Variants in ENTREP3 observed in about 807,000 individuals in gnomAD.
ENTREP3 encodes protein ENTREP3.
the ENTREP3 span, chr1:155,253,926 G>A: frequency 6.2e-7 from 1 of 1,612,842 alleles, no homozygotes; most frequent in Non-Finnish European, 8.5e-7. Context: ...CCCCGACTCT[G>A]GACAGGGCCG....
the ENTREP3 span, chr1:155,255,229 A>C: frequency 6.2e-6 from 2 of 324,524 alleles, no homozygotes; most frequent in East Asian, 6.3e-5. The surrounding 1 kb of genome is among the most constrained non-coding windows in gnomAD (Gnocchi z 5.6). Flanking sequence ...CCTGGAGCCC[A>C]GGGAGGGGTG....
the ENTREP3 span, among the ~76,000 whole-genome samples, chr1:155,252,224 GAC>G: frequency 6.7e-6 from 1 of 149,424 alleles, no homozygotes; most frequent in Non-Finnish European, 1.5e-5. Flanking sequence ...TTTTTTTTGA[GAC>G]AGAGTCTGAC....
the ENTREP3 span, chr1:155,247,836 A>C: frequency 2.7e-6 from 4 of 1,487,720 alleles, no homozygotes; most frequent in Non-Finnish European, 3.6e-6. Flanking sequence ...GGGGGCGGGT[A>C]CCACGCTCCA....
chr1:155,251,735 C>G, the ENTREP3 span: 1 of 1,612,282 alleles, frequency 6.2e-7, no homozygotes, highest in Non-Finnish European at 8.5e-7. Flanking sequence ...GGCCTTACCT[C>G]TGTGCATCTG....
At chr1:155,250,374 G>A in the ENTREP3 span, 13 of 1,543,222 alleles carry the variant, frequency 8.4e-6, no homozygotes, top group Admixed American at 1.4e-4. This position sits in a 1 kb window ranked among gnomAD's most constrained non-coding sequence, Gnocchi z 5.4. Flanking sequence ...CCCCGGTGGG[G>A]TGAGGGAACC....
chr1:155,253,238 T>G, the ENTREP3 span: 1 of 176,024 alleles, frequency 5.7e-6, no homozygotes, highest in Non-Finnish European at 1.2e-5. Context: ...AGAGACAGGG[T>G]TTCGCCATGT....
At chr1:155,250,451 C>T in the ENTREP3 span, 2 of 1,478,582 alleles carry the variant, frequency 1.4e-6, no homozygotes, top group Non-Finnish European at 1.8e-6. This position sits in a 1 kb window ranked among gnomAD's most constrained non-coding sequence, Gnocchi z 5.4. Flanking sequence ...GGCCCCCTCC[C>T]CGGGGGACCC....
At chr1:155,254,388 C>A in the ENTREP3 span, 1 of 1,613,978 alleles carries the variant, frequency 6.2e-7, no homozygotes, top group Non-Finnish European at 8.5e-7. The surrounding 1 kb of genome is among the most constrained non-coding windows in gnomAD (Gnocchi z 4.4). Flanking sequence ...GGCACTGGAC[C>A]CTGGCACCTA....
the ENTREP3 span, chr1:155,253,430 C>G: frequency 1.7e-6 from 1 of 584,726 alleles, no homozygotes; most frequent in Non-Finnish European, 3.0e-6. Context: ...ACATACTTAA[C>G]TCACTCCCTG....
At chr1:155,251,107 A>T in the ENTREP3 span, 42 of 1,612,558 alleles carry the variant, frequency 2.6e-5, no homozygotes, top group Non-Finnish European at 3.5e-5. Flanking sequence ...TCTACAATGG[A>T]GGCCACTCGT....
the ENTREP3 span, chr1:155,250,368 G>C: frequency 6.5e-7 from 1 of 1,545,550 alleles, no homozygotes; most frequent in Non-Finnish European, 8.7e-7. The surrounding 1 kb of genome is among the most constrained non-coding windows in gnomAD (Gnocchi z 5.4). Context: ...CCGGTGCCCC[G>C]GTGGGGTGAG....
At chr1:155,250,209 A>G in the ENTREP3 span, 2 of 1,404,464 alleles carry the variant, frequency 1.4e-6, no homozygotes, top group Non-Finnish European at 1.9e-6. This position sits in a 1 kb window ranked among gnomAD's most constrained non-coding sequence, Gnocchi z 5.4. Flanking sequence ...CCTGGTGGGC[A>G]TCACTGGCCA....
chr1:155,247,273 A>G, the ENTREP3 span: 3 of 390,802 alleles, frequency 7.7e-6, no homozygotes, highest in South Asian at 5.5e-5. Flanking sequence ...CTTTACAAAC[A>G]TTCTACCTTC....
the ENTREP3 span, chr1:155,247,331 G>T: frequency 6.4e-6 from 3 of 466,034 alleles, no homozygotes; most frequent in Non-Finnish European, 8.5e-6. Flanking sequence ...CTTGCCCAAG[G>T]TCATGCAGCT....
the ENTREP3 span, chr1:155,254,728 G>A: frequency 4.3e-6 from 7 of 1,613,654 alleles, no homozygotes; most frequent in East Asian, 1.3e-4. This position sits in a 1 kb window ranked among gnomAD's most constrained non-coding sequence, Gnocchi z 4.4. Context: ...CCATGCTGAA[G>A]GTGACCACCA....
At chr1:155,250,944 A>T in the ENTREP3 span, 1 of 1,251,470 alleles carries the variant, frequency 8.0e-7, no homozygotes, top group East Asian at 2.5e-5. This position sits in a 1 kb window ranked among gnomAD's most constrained non-coding sequence, Gnocchi z 5.4. Flanking sequence ...ATCTCAGAGG[A>T]GAAAAATAAG....
At chr1:155,247,789 C>G in the ENTREP3 span, 1 of 1,461,830 alleles carries the variant, frequency 6.8e-7, no homozygotes, top group Non-Finnish European at 9.0e-7. Context: ...AGGTCAGAGC[C>G]CAGTCTCCCG....
At chr1:155,255,381 G>A in the ENTREP3 span, 2 of 158,884 alleles carry the variant, frequency 1.3e-5, no homozygotes, top group Non-Finnish European at 2.8e-5. The surrounding 1 kb of genome is among the most constrained non-coding windows in gnomAD (Gnocchi z 5.6). Flanking sequence ...AGGCCGCGGC[G>A]CCGCTGTCTC....
At chr1:155,249,319 G>A in the ENTREP3 span, among the ~76,000 whole-genome samples, 1 of 151,636 alleles carries the variant, frequency 6.6e-6, no homozygotes, top group Non-Finnish European at 1.5e-5. Flanking sequence ...TCGAACTCCC[G>A]ACCTCAGGTG....
Sources: gnomAD v4.1 joint callset for allele counts (sites outside exome capture counted in the v4.1 genomes callset) on GRCh38, gnomAD v4.1.1 for gene constraint, Gnocchi (gnomAD v3.1) non-coding constraint, MANE v1.5 for transcripts, NCBI Gene and HGNC (gene_info 2026-07-23, HGNC 2026-07-21) for gene names.